Variants in DST observed in about 807,000 individuals in gnomAD.
The protein encoded by DST is dystonin.
In DST, 253 loss-of-function variants were observed where a neutral mutation model predicts 875.2. The observed-to-expected ratio is 0.29, with a 90% CI of 0.26 to 0.32. DST has a LOEUF of 0.32. Among genes scored for constraint, DST ranks in the 10% least tolerant of loss-of-function variants. DST has a pLI of 1.00. For missense variants in DST, 8,287 were observed against 9,111.6 expected, an observed-to-expected ratio of 0.91 and a Z score of 3.68; for synonymous variants, 3,124 against 3,197.1, an observed-to-expected ratio of 0.98 and a Z score of 0.77.
At chr6:56,752,308 G>A (rs1437477936) in intron 4 of DST, among the ~76,000 whole-genome samples, 5 of 151,934 alleles carry the variant, frequency 3.3e-5, no homozygotes, top group Non-Finnish European at 7.4e-5. Flanking sequence ...AAAGAGCTTG[G>A]CTTGATTTTA....
chr6:56,904,764 C>T (rs1187300831), intron 2 of DST, among the ~76,000 whole-genome samples: 3 of 152,036 alleles, frequency 2.0e-5, no homozygotes, highest in Non-Finnish European at 4.4e-5. Flanking sequence ...GTAGGTGGTG[C>T]TATAAGTTCT....
chr6:56,585,176 T>C (rs1375700962), intron 49 of DST, among the ~76,000 whole-genome samples: 21 of 152,230 alleles, frequency 1.4e-4, no homozygotes, highest in African/African-American at 2.7e-4. Context: ...ATGGTACCAG[T>C]TCCTCCTTGT....
Position 56,597,837 on chromosome 6 carries a change from T to C in DST, c.12098A>G (p.Glu4033Gly). The change falls in exon 47 of 104, where the codon GAA becomes GGA. Residue 4033 changes from glutamate to glycine, a missense_variant. Around this residue, in one of 10 missense-constraint regions of DST, gnomAD observed 1,513 missense variants for 1,677.8 expected, o/e 0.90. Coordinates refer to ENST00000680361, the MANE Select transcript of DST (RefSeq NM_001374736.1). ...QEGDGKSAIGEEDEVNGNLLE... is the reference protein window; with the variant it reads ...QEGDGKSAIGGEDEVNGNLLE... Reference sequence around the variant, plus strand: ...CAGGTTACCATTAACTTCATCCTCTTCTCCAATTGCTGACTTGCCATCACC... The same window carrying C: ...CAGGTTACCATTAACTTCATCCTCTCCTCCAATTGCTGACTTGCCATCACC... 1 of 1,613,972 alleles carries C rather than the reference T, an allele frequency of 6.2e-7. No homozygotes were observed. The highest frequency in any genetic ancestry group is 8.5e-7 in the Non-Finnish European group (1 of 1,179,852).
At chr6:56,641,180 C>G (rs1289602095) in intron 17 of DST, among the ~76,000 whole-genome samples, 2 of 151,156 alleles carry the variant, frequency 1.3e-5, no homozygotes, top group Non-Finnish European at 2.9e-5. Context: ...ATACTTACCC[C>G]CATACACACA....
At chr6:56,790,514 T>G (rs909265773) in intron 4 of DST, among the ~76,000 whole-genome samples, 1 of 152,208 alleles carries the variant, frequency 6.6e-6, no homozygotes, top group Non-Finnish European at 1.5e-5. Flanking sequence ...TTTATGTACT[T>G]TGGATACTTA....
intron 4 of DST, among the ~76,000 whole-genome samples, chr6:56,782,392 A>T (rs947637670): frequency 1.3e-5 from 2 of 152,128 alleles, no homozygotes; most frequent in Non-Finnish European, 2.9e-5. Context: ...TTATTGCCAC[A>T]ATTTCAGAGC....
chr6:56,632,985 G>T lies in DST; in HGVS notation c.3674C>A (p.Ser1225Tyr). 1 of 1,613,904 alleles carries T rather than the reference G, an allele frequency of 6.2e-7. No individual in the cohort carries two copies. The highest frequency in any genetic ancestry group is 8.5e-7 in the Non-Finnish European group (1 of 1,179,906). The change falls in exon 28 of 104, where the codon TCT becomes TAT. Residue 1225 changes from serine to tyrosine, a missense_variant. By Grantham distance (144) the Ser-to-Tyr change is moderately radical (BLOSUM62 -2). This residue lies in a region of DST where 3,138 missense variants were observed against 3,116.6 expected (regional missense o/e 1.01). Coordinates refer to ENST00000680361, the MANE Select transcript of DST (RefSeq NM_001374736.1). The stretch of plus-strand genomic sequence containing the variant: ...ATCTTCCAGAAAATCTTCAAAACGA[G>T]ATTGTAGATTACTTAGAACTTGCTG... ...EHQQVLSNLQ[S>Y]RFEDFLEDSQ...
intron 4 of DST, among the ~76,000 whole-genome samples, chr6:56,817,088 AACACACAC>A (rs55717102): frequency 6.7e-6 from 1 of 149,250 alleles, no homozygotes; most frequent in South Asian, 2.1e-4. Context: ...AAGCCACTTA[AACACACAC>A]ACACACACAC....
rs1305616353 is a variant in DST at position 56,640,287 on chromosome 6, T to C, written c.2346A>G (p.Val782=). 6.2e-7 allele frequency: 1 copy of C among 1,614,200 alleles called. No homozygotes were observed. ...SGLVPNFSSG[V]EPNSLQTLKL... is the part of the protein sequence containing the mutation. ...TCAAAGTTTGCAATGAATTTGGCTC[T>C]ACTCCTGAACTGAAATTTGGAACTA... The change falls in exon 18 of 104, where the codon GTA becomes GTG. Residue 782 remains valine, a synonymous_variant. Transcript: ENST00000680361.
intron 4 of DST, among the ~76,000 whole-genome samples, chr6:56,839,659 C>A (rs928883532): frequency 6.6e-6 from 1 of 152,084 alleles, no homozygotes; most frequent in Admixed American, 6.5e-5. Context: ...AGTGTCAGAG[C>A]CGATTTACAG....
At chr6:56,599,309 CT>C (rs2098421106) in intron 45 of DST, among the ~76,000 whole-genome samples, 1 of 151,928 alleles carries the variant, frequency 6.6e-6, no homozygotes, top group South Asian at 2.1e-4. Flanking sequence ...CATTTTCATT[CT>C]CTATATGATA....
At chr6:56,804,568 C>T (rs71564857) in intron 4 of DST, among the ~76,000 whole-genome samples, 1 of 152,108 alleles carries the variant, frequency 6.6e-6, no homozygotes, top group Non-Finnish European at 1.5e-5. Context: ...TAAAATTCCA[C>T]TGCAATAGTA....
intron 4 of DST, among the ~76,000 whole-genome samples, chr6:56,834,341 G>A (rs1405873495): frequency 2.0e-5 from 3 of 152,230 alleles, no homozygotes; most frequent in African/African-American, 7.2e-5. Context: ...GCTCATGCCT[G>A]TAATCCCAGC....
chr6:56,841,663 G>C (rs577884118), intron 4 of DST, among the ~76,000 whole-genome samples: 19 of 152,224 alleles, frequency 1.2e-4, no homozygotes, highest in African/African-American at 4.6e-4. Context: ...ATCTACTTTA[G>C]AACTTTCAGA....
At chr6:56,548,121 C>T (rs772546683) in intron 61 of DST, among the ~76,000 whole-genome samples, 1 of 151,908 alleles carries the variant, frequency 6.6e-6, no homozygotes, top group Non-Finnish European at 1.5e-5. Context: ...CTGGGCCACA[C>T]TGGAAGAAGA....
chr6:56,630,472 A>G, intron 30 of DST, 89 bp from the exon 31 acceptor site: 2 of 1,145,538 alleles, frequency 1.7e-6, no homozygotes, highest in South Asian at 1.3e-5. Context: ...GACACATGAC[A>G]TAACATGTTC....
intron 71 of DST, among the ~76,000 whole-genome samples, chr6:56,516,586 T>A (rs529382595): frequency 6.6e-6 from 1 of 152,270 alleles, no homozygotes; most frequent in African/African-American, 2.4e-5. Flanking sequence ...TTGCCATGCA[T>A]GGGATATCTT....
intron 61 of DST, among the ~76,000 whole-genome samples, chr6:56,548,517 T>C (rs1396534142): frequency 6.6e-6 from 1 of 152,238 alleles, no homozygotes; most frequent in African/African-American, 2.4e-5. Flanking sequence ...CTTTGATAAA[T>C]AATAATGTGT....
intron 41 of DST, 67 bp from the exon 42 acceptor site, chr6:56,603,487 T>A: frequency 6.3e-7 from 1 of 1,592,320 alleles, no homozygotes; most frequent in Non-Finnish European, 8.6e-7. Context: ...ACATGAAACA[T>A]AGAAGTGTTC....
Sources: gnomAD v4.1 joint callset for allele counts (sites outside exome capture counted in the v4.1 genomes callset) on GRCh38, gnomAD v4.1.1 for gene constraint, gnomAD v4.1.1 regional missense constraint, MANE v1.5 for transcripts, NCBI Gene and HGNC (gene_info 2026-07-23, HGNC 2026-07-21) for gene names.